The following RNLS variants were observed in gnomAD, a reference collection of about 807,000 sequenced individuals.
RNLS encodes renalase, FAD dependent amine oxidase.
RNLS carries 39 observed loss-of-function variants against 39.8 expected under a neutral mutation model. The ratio of observed to expected loss-of-function variants is 0.98; its 90% CI spans 0.76 to 1.28. RNLS has a LOEUF of 1.28. Among genes scored for constraint, RNLS ranks in the 50% most tolerant of loss-of-function variants. The pLI, the probability that RNLS is intolerant of heterozygous loss-of-function variation, is 0.00. For synonymous variants in RNLS, 147 were observed against 150.7 expected, an observed-to-expected ratio of 0.98 and a Z score of 0.18; for missense variants, 410 against 413.3, an observed-to-expected ratio of 0.99 and a Z score of 0.07.
In RNLS at chr10:88,500,029, T is replaced by C. The variant is rs529919923; in HGVS notation, c.526+72874A>G. Among the ~76,000 whole-genome samples, 189 of 152,284 alleles carry C rather than the reference T, an allele frequency of 1.2e-3. 1 individual carries two copies. The highest frequency in any genetic ancestry group is 4.3e-3 in the African/African-American group (180 of 41,574). On this transcript the variant is annotated intron_variant, in intron 4 of 6. Coordinates refer to ENST00000331772, the MANE Select transcript of RNLS (RefSeq NM_001031709.3). ...AATTCTAAGAATGTATGATTGTAAG[T>C]AGCCTTTACAGTCAACCTGTAAAGA...
chr10:88,388,753 C>T (rs1052156655), intron 4 of RNLS, among the ~76,000 whole-genome samples: 10 of 152,058 alleles, frequency 6.6e-5, no homozygotes, highest in Non-Finnish European at 1.0e-4. Context: ...TGTTTATCAT[C>T]GTCTTTTTAT....
intron 6 of RNLS, among the ~76,000 whole-genome samples, chr10:88,286,928 C>A (rs1229453798): frequency 1.3e-5 from 2 of 151,588 alleles, no homozygotes; most frequent in African/African-American, 4.8e-5. Flanking sequence ...GTAGCTAGGA[C>A]TGTAAGTGCA....
chr10:88,391,377 G>T (rs1266875570), intron 4 of RNLS, among the ~76,000 whole-genome samples: 1 of 152,144 alleles, frequency 6.6e-6, no homozygotes, highest in Non-Finnish European at 1.5e-5. Flanking sequence ...GGCCAACATG[G>T]TGAAACCCCA....
At chr10:88,418,640 T>C (rs961490583) in intron 4 of RNLS, among the ~76,000 whole-genome samples, 2 of 152,324 alleles carry the variant, frequency 1.3e-5, no homozygotes, top group Admixed American at 1.3e-4. Flanking sequence ...GAATCAAACA[T>C]ACAATTTCTT....
intron 4 of RNLS, among the ~76,000 whole-genome samples, chr10:88,487,164 G>A (rs1274159674): frequency 1.3e-5 from 2 of 152,082 alleles, no homozygotes; most frequent in East Asian, 3.9e-4. Context: ...CAAATTCACG[G>A]AGACAAAGCA....
At chr10:88,498,489 T>C (rs1002858928) in intron 4 of RNLS, among the ~76,000 whole-genome samples, 5 of 150,030 alleles carry the variant, frequency 3.3e-5, no homozygotes, top group African/African-American at 1.2e-4. Context: ...AGTTTTTTTT[T>C]CTGTTGTTAT....
the RNLS span, among the ~76,000 whole-genome samples, chr10:88,174,488 C>G: frequency 3.9e-5 from 6 of 152,122 alleles, no homozygotes; most frequent in Non-Finnish European, 8.8e-5. Flanking sequence ...AATTTTATCA[C>G]AGGCTTTTTC....
rs1314455573 is a variant in RNLS, at chr10:88,284,352, C to G, written c.*1002G>C. The G allele has an allele frequency of 1.0e-6, 1 of 985,384 alleles. No individual in the cohort carries two copies. Among genetic ancestry groups the G allele is most frequent in the African/African-American group, 1.7e-5 (1 of 57,354 alleles). The allele number at this position is 985,384 out of a possible 1,614,324, so 61.0% of individuals were successfully genotyped here. On this transcript the variant is annotated 3_prime_UTR_variant, in exon 7 of 7. Coordinates refer to ENST00000331772, the MANE Select transcript of RNLS (RefSeq NM_001031709.3). ...TTCAAAATGCTGAAATAGAACTCAT[C>G]ATTTTGCTTTTCAAATTAGCAACAG...
rs193168583 is a variant in RNLS, at chr10:88,497,583, T to C, written c.526+75320A>G. On this transcript the variant is annotated intron_variant, in intron 4 of 6. Coordinates refer to ENST00000331772, the MANE Select transcript of RNLS (RefSeq NM_001031709.3). Reference sequence around the variant, plus strand: ...CAACAACAAAAATGGGAAAGTCTTTTAACAACAGAGTTGTCAAAGGCCTAA... The same window carrying C: ...CAACAACAAAAATGGGAAAGTCTTTCAACAACAGAGTTGTCAAAGGCCTAA... 5.9e-5 allele frequency among the ~76,000 whole-genome samples: 9 copies of C among 152,228 alleles called. 1 individual carries two copies. The East Asian group carries it at 1.7e-3, about 29-fold the overall frequency.
chr10:88,503,338 A>G (rs1487746437), intron 4 of RNLS, among the ~76,000 whole-genome samples: 3 of 152,192 alleles, frequency 2.0e-5, no homozygotes, highest in Non-Finnish European at 4.4e-5. Flanking sequence ...CTGAGATTGC[A>G]CCACTGCACT....
intron 4 of RNLS, among the ~76,000 whole-genome samples, chr10:88,552,008 A>G (rs1321749456): frequency 1.3e-5 from 2 of 152,226 alleles, no homozygotes; most frequent in Non-Finnish European, 2.9e-5. Flanking sequence ...CACATAACGA[A>G]CACAAGTCAA....
In RNLS at chr10:88,452,824, A is replaced by G. The variant is rs369067392; in HGVS notation, c.527-90099T>C. 7.4e-4 allele frequency among the ~76,000 whole-genome samples: 112 copies of G among 152,276 alleles called. 1 individual carries two copies. The highest frequency in any genetic ancestry group is 7.1e-3 in the South Asian group (34 of 4,814). Reference sequence around the variant, plus strand: ...GCTGCTGCTACAGAATGAGGGCAGGAAATATGTTCACCAGTCAAGTAATTC... The same window carrying G: ...GCTGCTGCTACAGAATGAGGGCAGGGAATATGTTCACCAGTCAAGTAATTC... On this transcript the variant is annotated intron_variant, in intron 4 of 6. Coordinates refer to ENST00000331772, the MANE Select transcript of RNLS (RefSeq NM_001031709.3).
At chr10:88,529,504 A>G (rs117302575) in intron 4 of RNLS, among the ~76,000 whole-genome samples, 1,580 of 152,106 alleles carry the variant, frequency 0.01, 10 homozygotes, top group South Asian at 0.024. Flanking sequence ...AATGAAAAGG[A>G]TTGTTATTTA....
At chr10:88,397,838 T>C (rs1852655296) in intron 4 of RNLS, among the ~76,000 whole-genome samples, 1 of 151,942 alleles carries the variant, frequency 6.6e-6, no homozygotes, top group African/African-American at 2.4e-5. Flanking sequence ...CAAAACTTAC[T>C]ACACAGCTAC....
At chr10:88,316,425 G>T (rs1845770267) in intron 5 of RNLS, among the ~76,000 whole-genome samples, 1 of 152,134 alleles carries the variant, frequency 6.6e-6, no homozygotes, top group African/African-American at 2.4e-5. Flanking sequence ...ACTCAGGGAG[G>T]CTTGTTCACA....
the RNLS span, among the ~76,000 whole-genome samples, chr10:88,248,800 A>T: frequency 1.3e-5 from 2 of 152,292 alleles, no homozygotes; most frequent in Middle Eastern, 3.4e-3. Flanking sequence ...TGACCACCAC[A>T]ATTAACCTCT....
At chr10:88,307,942 T>C (rs1003614647) in intron 6 of RNLS, among the ~76,000 whole-genome samples, 1 of 151,964 alleles carries the variant, frequency 6.6e-6, no homozygotes, top group East Asian at 1.9e-4. Context: ...AACAGACACA[T>C]AGCCCAATGG....
chr10:88,524,350 A>G (rs1846948679), intron 4 of RNLS, among the ~76,000 whole-genome samples: 1 of 152,126 alleles, frequency 6.6e-6, no homozygotes, highest in Non-Finnish European at 1.5e-5. Flanking sequence ...TATTTACCTC[A>G]GCATCTAGCA....
the RNLS span, among the ~76,000 whole-genome samples, chr10:88,212,033 C>A: frequency 2.8e-4 from 42 of 152,266 alleles, no homozygotes; most frequent in African/African-American, 9.4e-4. Flanking sequence ...TAATTGCATT[C>A]CCATCATACA....
Sources: allele counts gnomAD v4.1 joint callset (sites outside exome capture counted in the v4.1 genomes callset), GRCh38; gene constraint gnomAD v4.1.1; transcripts MANE v1.5; gene names NCBI Gene and HGNC (gene_info 2026-07-23, HGNC 2026-07-21).